C7orf57: variants seen among roughly 807,000 people sequenced by gnomAD.
C7orf57 encodes the protein uncharacterized protein C7orf57.
In C7orf57, 33 loss-of-function variants were observed where a neutral mutation model predicts 39.0. The ratio of observed to expected loss-of-function variants is 0.85; its 90% CI spans 0.64 to 1.13. The LOEUF is 1.13. C7orf57 is among the 50% of genes most tolerant of loss of function. C7orf57 has a pLI of 0.00. For missense variants in C7orf57, 346 were observed against 362.3 expected, an observed-to-expected ratio of 0.95 and a Z score of 0.37; for synonymous variants, 124 against 137.1, an observed-to-expected ratio of 0.90 and a Z score of 0.67.
chr7:48,039,953 GT>G (rs560210337), intron 2 of C7orf57, among the ~76,000 whole-genome samples: 114 of 149,260 alleles, frequency 7.6e-4, no homozygotes, highest in African/African-American at 1.1e-3. Context: ...ATCAGGTGTG[GT>G]TTTTTTTTTC....
At position 48,042,133 on chromosome 7, in the gene C7orf57, AC is replaced by A. The variant is rs575721575; in HGVS notation, c.241+616del. On this transcript the variant is annotated intron_variant, in intron 3 of 8. Transcript: ENST00000348904. ...TGGTCAGTGACTTGGAGAGACACTA[AC>A]CTTTTTTCCCCTTTAGCTGCCATTA... 2.4e-3 allele frequency among the ~76,000 whole-genome samples: 359 copies of A among 152,376 alleles called. 3 individuals carry two copies. In the Middle Eastern group the frequency reaches 0.024, roughly 10 times the overall value.
rs563837178 is a variant in C7orf57, at chr7:48,041,632, T to C, written c.241+113T>C. 3.3e-6 allele frequency: 3 copies of C among 896,892 alleles called. 1 individual carries two copies. In the East Asian group the frequency reaches 8.6e-5, roughly 26 times the overall value. The allele number at this position is 896,892 out of a possible 1,614,324, so 55.6% of individuals were successfully genotyped here. A position where few individuals can be genotyped will look rare whatever the true frequency, so the allele number is the denominator to read the frequency against. ...TACTACAGAGTCTGTATGTTTAGCT[T>C]AGGGCCTTGGGAAAGCTAGGTTAAT... On this transcript the variant is annotated intron_variant, in intron 3 of 8. Transcript: ENST00000348904.
intron 4 of C7orf57, among the ~76,000 whole-genome samples, chr7:48,045,152 G>A (rs1790676994): frequency 6.6e-6 from 1 of 152,192 alleles, no homozygotes; most frequent in African/African-American, 2.4e-5. Context: ...TCCTCCTCTG[G>A]ACCGCAGACC....
intron 6 of C7orf57, among the ~76,000 whole-genome samples, chr7:48,051,347 AT>A (rs71006546): frequency 2.9e-4 from 20 of 69,780 alleles, no homozygotes; most frequent in South Asian, 1.1e-3. Context: ...CAGCTGGCTA[AT>A]TTTTTTTTTT....
chr7:48,039,874 C>T (rs769260098), intron 2 of C7orf57, among the ~76,000 whole-genome samples: 1 of 151,896 alleles, frequency 6.6e-6, no homozygotes, highest in Non-Finnish European at 1.5e-5. Context: ...TACACCCAGT[C>T]ACTTGTGTCA....
At chr7:48,042,685 TA>T (rs535635578) in intron 3 of C7orf57, among the ~76,000 whole-genome samples, 437 of 136,136 alleles carry the variant, frequency 3.2e-3, no homozygotes, top group Middle Eastern at 3.7e-3. Context: ...GCTTTAAAAG[TA>T]AAAAAAAAAA....
chr7:48,053,030 C>A, intron 7 of C7orf57, 107 bp downstream of exon 7: 3 of 917,020 alleles, frequency 3.3e-6, no homozygotes, highest in East Asian at 2.6e-5. Flanking sequence ...ATGAGTAACC[C>A]AAAAACCATG....
At chr7:48,048,270 C>T (rs1166562232) in intron 5 of C7orf57, among the ~76,000 whole-genome samples, 2 of 152,160 alleles carry the variant, frequency 1.3e-5, no homozygotes, top group Non-Finnish European at 2.9e-5. Flanking sequence ...ACACCATCAC[C>T]GCTTTGGTAT....
chr7:48,043,020 T>G (rs188687814), intron 3 of C7orf57, among the ~76,000 whole-genome samples: 236 of 152,160 alleles, frequency 1.6e-3, no homozygotes, highest in Admixed American at 3.7e-3. Context: ...TGGCTTCTCC[T>G]GGAAATGGTA....
chr7:48,039,173 AGACAGCTTTGTAG>A (rs1790473227), intron 2 of C7orf57, among the ~76,000 whole-genome samples: 1 of 152,202 alleles, frequency 6.6e-6, no homozygotes, highest in African/African-American at 2.4e-5. Flanking sequence ...TCCCCACAAG[AGACAGCTTTGTAG>A]GACCATTTCG....
At chr7:48,056,207 A>C (rs981833755) in intron 8 of C7orf57, among the ~76,000 whole-genome samples, 2 of 152,054 alleles carry the variant, frequency 1.3e-5, no homozygotes, top group African/African-American at 2.4e-5. Flanking sequence ...CATTTCCCTG[A>C]TGATAGTGAT....
chr7:48,046,411 G>A, intron 4 of C7orf57, 49 bp from the exon 5 acceptor site: 1 of 1,562,156 alleles, frequency 6.4e-7, no homozygotes, highest in Non-Finnish European at 8.7e-7. Flanking sequence ...AAGGGAGGGA[G>A]TGGAAATGGC....
chr7:48,036,242 T>C lies in C7orf57; in HGVS notation c.-67T>C. 1 of 1,515,578 alleles carries C rather than the reference T, an allele frequency of 6.6e-7. No individual in the cohort carries two copies. Among genetic ancestry groups the C allele is most frequent in the South Asian group, 1.2e-5 (1 of 83,456 alleles). The allele number at this position is 1,515,578 out of a possible 1,614,324, so 93.9% of individuals were successfully genotyped here. A position where few individuals can be genotyped will look rare whatever the true frequency, so the allele number is the denominator to read the frequency against. On this transcript the variant is annotated 5_prime_UTR_variant, in exon 2 of 9. Transcript: ENST00000348904. ...CTGGCAACTGGTCAAGCAGGCAGCG[T>C]CCAGCGCACCCGCGAACACCAGGTC...
At chr7:48,057,059 A>G (rs1326843718) in intron 8 of C7orf57, among the ~76,000 whole-genome samples, 1 of 137,336 alleles carries the variant, frequency 7.3e-6, no homozygotes, top group African/African-American at 2.6e-5. Flanking sequence ...ATGATGCCAT[A>G]TATCTGTTTT....
At position 48,041,473 on chromosome 7, in the gene C7orf57, A is replaced by C. The variant is rs1292934238; in HGVS notation, c.195A>C (p.Glu65Asp). ...GGACTCGGAGATACTGGATAAAAGA[A>C]ACAGATTCGGAATATGTGAAGCTCG... Reference protein sequence around the residue: ...LPGTRRYWIKETDSEYVKLAK... With the variant: ...LPGTRRYWIKDTDSEYVKLAK... Residue 65 changes from glutamate (E) to aspartate (D), a missense_variant, in exon 3 of 9, where the codon GAA (glutamate) becomes GAC (aspartate). Coordinates refer to ENST00000348904, the MANE Select transcript of C7orf57 (RefSeq NM_001100159.3). 3.1e-6 allele frequency: 5 copies of C among 1,613,510 alleles called. No individual in the cohort carries two copies. Among genetic ancestry groups the C allele is most frequent in the Non-Finnish European group, 3.4e-6 (4 of 1,179,578 alleles).
intron 8 of C7orf57, among the ~76,000 whole-genome samples, chr7:48,059,890 C>T (rs1351096014): frequency 6.6e-6 from 1 of 152,056 alleles, no homozygotes; most frequent in African/African-American, 2.4e-5. Context: ...CTCTTCTCTA[C>T]TCGCCTTGCC....
chr7:48,036,175 C>A (rs1790350662), intron 1 of C7orf57, 33 bp from the exon 2 acceptor site: 3 of 901,742 alleles, frequency 3.3e-6, no homozygotes, highest in East Asian at 2.6e-5. Flanking sequence ...TACAGACCGA[C>A]CCAGAGCGGG....
intron 2 of C7orf57, among the ~76,000 whole-genome samples, chr7:48,037,446 CTG>C: frequency 6.6e-6 from 1 of 152,332 alleles, no homozygotes; most frequent in East Asian, 1.9e-4. Flanking sequence ...CACAGCTGTT[CTG>C]TGAGGCCACA....
intron 4 of C7orf57, 75 bp from the exon 5 acceptor site, chr7:48,046,385 C>T (rs1226004739): frequency 1.7e-5 from 24 of 1,378,952 alleles, no homozygotes; most frequent in African/African-American, 4.3e-5. Flanking sequence ...GGAGAGCCAG[C>T]GATGGAGATG....
Sources: gnomAD v4.1 joint callset for allele counts (sites outside exome capture counted in the v4.1 genomes callset) on GRCh38, gnomAD v4.1.1 for gene constraint, MANE v1.5 for transcripts, NCBI Gene and HGNC (gene_info 2026-07-23, HGNC 2026-07-21) for gene names.